Variants in RAVER1 observed in about 807,000 individuals in gnomAD.
The protein encoded by RAVER1 is ribonucleoprotein, PTB binding 1, also known as ribonucleoprotein PTB-binding 1.
Under a neutral mutation model 68.4 loss-of-function variants are expected in RAVER1, and 36 were observed. That is an observed-to-expected ratio of 0.53 (90% CI 0.40 to 0.70). The LOEUF (loss-of-function observed/expected upper bound fraction) is 0.70. Among genes scored for constraint, RAVER1 ranks in the 30% least tolerant of loss-of-function variants. The probability of loss-of-function intolerance (pLI) is 0.00; values close to 1 mark genes in which losing one functional copy is unlikely to be tolerated. For missense variants in RAVER1, 933 were observed against 1,019.8 expected (o/e 0.91, Z 1.16); for synonymous variants, 469 against 472.7 (o/e 0.99, Z 0.10).
chr19:10,320,801 G>A lies in RAVER1; in HGVS notation c.1624C>T (p.Pro542Ser), dbSNP rs761638841. ...CCAGGGGCTGGGGGGTTAGTTGGGGGGCCCTCAGCTGGGCGGCGGCTTCTC... is the reference window on the plus strand; with the variant it reads ...CCAGGGGCTGGGGGGTTAGTTGGGGAGCCCTCAGCTGGGCGGCGGCTTCTC... ...AGRSRRPAEGPPTNPPAPGGG... is the reference protein window; with the variant it reads ...AGRSRRPAEGSPTNPPAPGGG... Residue 542 changes from proline (P) to serine (S), a missense_variant, in exon 9 of 13, where the codon CCC becomes TCC. Pro to Ser is a moderately conservative substitution (Grantham distance 74). This residue lies in a region of RAVER1 where 699 missense variants were observed against 731.1 expected (regional missense o/e 0.96). Coordinates refer to ENST00000617231, the MANE Select transcript of RAVER1 (RefSeq NM_133452.3). 6.6e-7 allele frequency: 1 copy of A among 1,513,528 alleles called. No homozygotes were observed. The allele number at this position is 1,513,528 out of a possible 1,614,324, so 93.8% of individuals were successfully genotyped here.
In RAVER1 at chr19:10,318,362, G is replaced by T. The variant is rs550451618; in HGVS notation, c.1856C>A (p.Pro619Gln). The change falls in exon 11 of 13, where the codon CCG becomes CAG. Residue 619 changes from proline (P) to glutamine (Q), a missense_variant. Pro to Gln is a moderately conservative substitution (Grantham distance 76). This residue lies in a region of RAVER1 where 699 missense variants were observed against 731.1 expected (regional missense o/e 0.96). Coordinates refer to ENST00000617231, the MANE Select transcript of RAVER1 (RefSeq NM_133452.3). ...HGPSRHKMSP[P>Q]PSGFGERSSG... ...GCTCCGTTCGCCGAAGCCACTGGGC[G>T]GGGGGGACATCTGTAGAAGAAGGGC... 4 of 1,591,732 alleles carry T rather than the reference G, an allele frequency of 2.5e-6. No homozygotes were observed. Among genetic ancestry groups the T allele is most frequent in the East Asian group, 4.6e-5 (2 of 43,620 alleles).
chr19:10,328,680 G>A lies in RAVER1; in HGVS notation c.718C>T (p.Arg240Trp), dbSNP rs752870032. The stretch of plus-strand genomic sequence containing the variant: ...GGGCTGTGGACAGCTGACAGCGCCC[G>A]GCACAGAGCGTCCACATCGTTGAAG... ...PGFNDVDALC[R>W]ALSAVHSPTF... Residue 240 changes from arginine to tryptophan, a missense_variant, in exon 3 of 13, where the codon CGG becomes TGG. By Grantham distance (101) the Arg-to-Trp change is moderately radical (BLOSUM62 -3). Coordinates refer to ENST00000617231, the MANE Select transcript of RAVER1 (RefSeq NM_133452.3). The surrounding 1 kb of genome is among the most constrained non-coding windows in gnomAD (Gnocchi z 4.4). The A allele has an allele frequency of 3.6e-5, 58 of 1,589,670 alleles. No individual in the cohort carries two copies. Among genetic ancestry groups the A allele is most frequent in the Non-Finnish European group, 4.3e-5 (50 of 1,168,918 alleles).
intron 3 of RAVER1, among the ~76,000 whole-genome samples, chr19:10,327,893 A>G (rs1336120773): frequency 6.6e-6 from 1 of 152,172 alleles, no homozygotes; most frequent in Non-Finnish European, 1.5e-5. Flanking sequence ...TTACAGGGCG[A>G]GGCACACACA....
chr19:10,321,265 G>T lies in RAVER1; in HGVS notation c.1262-6C>A. The stretch of plus-strand genomic sequence containing the variant: ...CTCCGGGGGCAGGCCCCCTCCTAGG[G>T]AGGGAAGGAGGATTTCAGGGGCCCA... On this transcript the variant is annotated splice_region_variant and splice_polypyrimidine_tract_variant and intron_variant, in intron 7 of 12. Transcript: ENST00000617231. 1 of 1,259,450 alleles carries T rather than the reference G, an allele frequency of 7.9e-7. No individual in the cohort carries two copies. The highest frequency in any genetic ancestry group is 3.1e-5 in the South Asian group (1 of 32,594). 78.0% of individuals were successfully genotyped at this position (1,259,450 alleles called of 1,614,324 possible).
In RAVER1 at chr19:10,329,234, A is replaced by C; in HGVS notation, c.287-123T>G. On this transcript the variant is annotated intron_variant, in intron 2 of 12. Coordinates refer to ENST00000617231, the MANE Select transcript of RAVER1 (RefSeq NM_133452.3). This position sits in a 1 kb window ranked among gnomAD's most constrained non-coding sequence, Gnocchi z 4.6. The stretch of plus-strand genomic sequence containing the variant: ...GGCATCTCAGGTGCCTGCTGATCTG[A>C]GCAGTTGCCAGCCTTGGCGACTCAC... 1.6e-6 allele frequency: 1 copy of C among 642,936 alleles called. No homozygotes were observed. The highest frequency in any genetic ancestry group is 2.6e-6 in the Non-Finnish European group (1 of 379,218). 39.8% of individuals were successfully genotyped at this position (642,936 alleles called of 1,614,324 possible).
In RAVER1 at chr19:10,318,271, G is replaced by A; in HGVS notation, c.1947C>T (p.Thr649=). ...GCTTGAGGCCAGCCTGCAGGCCGCTGGTGAAGTAGGAAGTGGGCGAGCCTG... is the reference window on the plus strand; with the variant it reads ...GCTTGAGGCCAGCCTGCAGGCCGCTAGTGAAGTAGGAAGTGGGCGAGCCTG... ...FYSGSPTSYF[T]SGLQAGLKQS... is the part of the protein sequence containing the mutation. The change falls in exon 11 of 13, where the codon ACC becomes ACT. Residue 649 remains threonine, a synonymous_variant. Transcript: ENST00000617231. 6.2e-7 allele frequency: 1 copy of A among 1,606,320 alleles called. No homozygotes were observed. Among genetic ancestry groups the A allele is most frequent in the Non-Finnish European group, 8.5e-7 (1 of 1,177,034 alleles).
In RAVER1 at chr19:10,323,708, G is replaced by T. The variant is rs574106805; in HGVS notation, c.757-142C>A. On this transcript the variant is annotated intron_variant, in intron 3 of 12. Transcript: ENST00000617231. The surrounding 1 kb of genome is among the most constrained non-coding windows in gnomAD (Gnocchi z 6.2). The stretch of plus-strand genomic sequence containing the variant: ...CTCCACTGCCCTGTGCCTCATTCCT[G>T]CATCAGCTCATCTGATTTTCCCAAT... The T allele has an allele frequency of 1.2e-6, 1 of 826,536 alleles. No homozygotes were observed. Among genetic ancestry groups the T allele is most frequent in the South Asian group, 1.8e-5 (1 of 54,172 alleles). The allele number at this position is 826,536 out of a possible 1,614,324, so 51.2% of individuals were successfully genotyped here.
intron 2 of RAVER1, 59 bp downstream of exon 2, chr19:10,330,401 C>A: frequency 1.2e-6 from 1 of 803,454 alleles, no homozygotes; most frequent in Non-Finnish European, 2.1e-6. Flanking sequence ...GTGAGCCAGG[C>A]CCTCCCATCT....
At chr19:10,330,686 C>A (rs1269610400) in intron 1 of RAVER1, among the ~76,000 whole-genome samples, 160 bp from the exon 2 acceptor site, 1 of 152,218 alleles carries the variant, frequency 6.6e-6, no homozygotes, top group African/African-American at 2.4e-5. Flanking sequence ...TTGTCAAGGT[C>A]ATTCTGCTCA....
chr19:10,332,788 G>A (rs2040532025), intron 1 of RAVER1, among the ~76,000 whole-genome samples: 3 of 152,104 alleles, frequency 2.0e-5, no homozygotes, highest in African/African-American at 7.2e-5. Flanking sequence ...GAGGTTTTGG[G>A]GGCTGAGACC....
intron 3 of RAVER1, among the ~76,000 whole-genome samples, chr19:10,325,766 C>T (rs915774789): frequency 1.3e-5 from 2 of 151,462 alleles, no homozygotes; most frequent in African/African-American, 4.9e-5. Context: ...TGTACTCCTC[C>T]AGCCTGGGTG....
intron 10 of RAVER1, among the ~76,000 whole-genome samples, chr19:10,318,800 G>T (rs1347781247): frequency 6.6e-6 from 1 of 152,234 alleles, no homozygotes; most frequent in Non-Finnish European, 1.5e-5. Context: ...CCAGCCTGTG[G>T]ACGCCAAATA....
intron 1 of RAVER1, among the ~76,000 whole-genome samples, chr19:10,330,916 T>C (rs895375581): frequency 6.7e-6 from 1 of 149,228 alleles, no homozygotes; most frequent in African/African-American, 2.5e-5. Flanking sequence ...ATACAAAAAT[T>C]AGCCAGGAGT....
Position 10,317,676 on chromosome 19 carries a change from C to G in RAVER1, c.2073+14G>C. 2 of 1,561,146 alleles carry G rather than the reference C, an allele frequency of 1.3e-6. No homozygotes were observed. Among genetic ancestry groups the G allele is most frequent in the South Asian group, 2.3e-5 (2 of 86,126 alleles). On this transcript the variant is annotated intron_variant, in intron 12 of 12. Transcript: ENST00000617231. The surrounding 1 kb of genome is among the most constrained non-coding windows in gnomAD (Gnocchi z 4.3). ...GGCTTCCCAGCCCTGCATGTCCCCA[C>G]CCCCTGCCCGTACCTTCAGCAGGTG... is the stretch of plus-strand genomic sequence containing the variant.
intron 6 of RAVER1, 57 bp from the exon 7 acceptor site, chr19:10,321,675 C>G: frequency 1.5e-6 from 2 of 1,323,788 alleles, no homozygotes; most frequent in Non-Finnish European, 2.0e-6. Flanking sequence ...GGGAAGCAGA[C>G]AGGTGTGGCC....
rs949639257 is a variant in RAVER1, at chr19:10,316,864, A to G, written c.*590T>C. On this transcript the variant is annotated 3_prime_UTR_variant, in exon 13 of 13. Coordinates refer to ENST00000617231, the MANE Select transcript of RAVER1 (RefSeq NM_133452.3). ...GGGCCCCACGGCTGGGGTATAGGCC[A>G]GATGGGCAGGCAGGGGCAGGAGACA... The G allele has an allele frequency of 3.2e-5, 5 of 155,888 alleles. No individual in the cohort carries two copies. Among genetic ancestry groups the G allele is most frequent in the African/African-American group, 1.2e-4 (5 of 41,416 alleles). The allele number at this position is 155,888 out of a possible 1,614,324, so 9.7% of individuals were successfully genotyped here.
chr19:10,328,225 C>A lies in RAVER1; in HGVS notation c.756+417G>T, dbSNP rs187055167. The stretch of plus-strand genomic sequence containing the variant: ...ATCCATAGTTACAAGAGTGGCCTTG[C>A]ATGCATCTGATAGAGGGACAGTGAG... On this transcript the variant is annotated intron_variant, in intron 3 of 12. Coordinates refer to ENST00000617231, the MANE Select transcript of RAVER1 (RefSeq NM_133452.3). This position sits in a 1 kb window ranked among gnomAD's most constrained non-coding sequence, Gnocchi z 4.4. Among the ~76,000 whole-genome samples the A allele has an allele frequency of 1.3e-5, 2 of 152,252 alleles. No individual in the cohort carries two copies. Among genetic ancestry groups the A allele is most frequent in the Non-Finnish European group, 2.9e-5 (2 of 68,020 alleles).
At position 10,333,223 on chromosome 19, in the gene RAVER1, C is replaced by T; in HGVS notation, c.219+66G>A. On this transcript the variant is annotated intron_variant, in intron 1 of 12. Transcript: ENST00000617231. This position sits in a 1 kb window ranked among gnomAD's most constrained non-coding sequence, Gnocchi z 4.2. ...CGCGCACCTCAGCGTTGGTGTCGCC[C>T]GGTTCCCCCCGCGCACGCGCACCGT... 1 of 1,476,500 alleles carries T rather than the reference C, an allele frequency of 6.8e-7. No homozygotes were observed. Among genetic ancestry groups the T allele is most frequent in the Non-Finnish European group, 9.2e-7 (1 of 1,089,546 alleles). The allele number at this position is 1,476,500 out of a possible 1,614,324, so 91.5% of individuals were successfully genotyped here. A position where few individuals can be genotyped will look rare whatever the true frequency, so the allele number is the denominator to read the frequency against.
chr19:10,318,389 G>A lies in RAVER1; in HGVS notation c.1846-17C>T, dbSNP rs770543406. 1.8e-5 allele frequency: 28 copies of A among 1,580,562 alleles called. No individual in the cohort carries two copies. Among genetic ancestry groups the A allele is most frequent in the Middle Eastern group, 1.7e-4 (1 of 5,992 alleles). On this transcript the variant is annotated splice_polypyrimidine_tract_variant and intron_variant, in intron 10 of 12. Coordinates refer to ENST00000617231, the MANE Select transcript of RAVER1 (RefSeq NM_133452.3). ...GGGGGACATCTGTAGAAGAAGGGCC[G>A]GTGGAGTGAAGCAGACAATTGTAGT... is the stretch of plus-strand genomic sequence containing the variant.
Sources: allele counts gnomAD v4.1 joint callset (sites outside exome capture counted in the v4.1 genomes callset), GRCh38; gene constraint gnomAD v4.1.1; regional missense constraint gnomAD v4.1.1; non-coding constraint Gnocchi (gnomAD v3.1); transcripts MANE v1.5; gene names NCBI Gene and HGNC (gene_info 2026-07-23, HGNC 2026-07-21).